CNTNAP2: variants seen among roughly 807,000 people sequenced by gnomAD.
CNTNAP2 encodes the protein contactin associated protein 2, also known as contactin-associated protein-like 2.
CNTNAP2 carries 98 observed loss-of-function variants against 155.2 expected under a neutral mutation model. That is an observed-to-expected ratio of 0.63 (90% CI 0.54 to 0.75). The LOEUF (loss-of-function observed/expected upper bound fraction) is 0.75. Ranked by LOEUF, CNTNAP2 falls within the 30% of genes least tolerant of loss-of-function variation. CNTNAP2 has a pLI of 0.00. For missense variants in CNTNAP2, 1,727 were observed against 1,688.1 expected (o/e 1.02, Z -0.40); for synonymous variants, 651 against 631.2 (o/e 1.03, Z -0.47).
chr7:146,906,727 C>G (rs997575046), intron 3 of CNTNAP2, among the ~76,000 whole-genome samples: 2 of 152,270 alleles, frequency 1.3e-5, no homozygotes, highest in African/African-American at 4.8e-5. Flanking sequence ...AAACTGGAAA[C>G]TCTAAAACGC....
intron 1 of CNTNAP2, among the ~76,000 whole-genome samples, chr7:146,139,981 A>G (rs1797854556): frequency 6.6e-6 from 1 of 152,138 alleles, no homozygotes; most frequent in South Asian, 2.1e-4. Flanking sequence ...CATTTCCATT[A>G]GCTCCAGCGT....
intron 2 of CNTNAP2, among the ~76,000 whole-genome samples, chr7:146,806,714 A>T (rs1802974156): frequency 6.6e-6 from 1 of 152,158 alleles, no homozygotes; most frequent in South Asian, 2.1e-4. Flanking sequence ...ATGAAAAGTA[A>T]GTCTTTCAAA....
intron 10 of CNTNAP2, among the ~76,000 whole-genome samples, chr7:147,462,767 T>A (rs1441659632): frequency 2.6e-5 from 4 of 152,156 alleles, no homozygotes; most frequent in Non-Finnish European, 5.9e-5. Context: ...ATCAATGGGA[T>A]TTTTTGTTTG....
chr7:146,703,608 G>C (rs1194969676), intron 1 of CNTNAP2, among the ~76,000 whole-genome samples: 1 of 152,118 alleles, frequency 6.6e-6, no homozygotes, highest in African/African-American at 2.4e-5. Flanking sequence ...GGTTTAAGCA[G>C]ATCTGGGGCC....
At chr7:147,670,761 A>G (rs1795773906) in intron 13 of CNTNAP2, among the ~76,000 whole-genome samples, 1 of 152,318 alleles carries the variant, frequency 6.6e-6, no homozygotes, top group Non-Finnish European at 1.5e-5. Context: ...CAGGTTGTTC[A>G]TATGACCTCA....
intron 1 of CNTNAP2, among the ~76,000 whole-genome samples, chr7:146,723,755 A>G (rs529697081): frequency 6.6e-4 from 101 of 152,328 alleles, no homozygotes; most frequent in African/African-American, 2.4e-3. Context: ...GATAAATAAG[A>G]GAAGACATTA....
At chr7:146,220,463 C>T (rs936893981) in intron 1 of CNTNAP2, among the ~76,000 whole-genome samples, 3 of 152,122 alleles carry the variant, frequency 2.0e-5, no homozygotes, top group African/African-American at 7.2e-5. Flanking sequence ...TCAGCCACAG[C>T]AACTTCTTAA....
chr7:147,707,232 G>A (rs755499205), intron 13 of CNTNAP2, among the ~76,000 whole-genome samples: 8 of 152,128 alleles, frequency 5.3e-5, no homozygotes, highest in Admixed American at 1.3e-4. Flanking sequence ...TGTATCTGGT[G>A]TAAACATTTC....
At chr7:146,476,571 C>T (rs76056737) in intron 1 of CNTNAP2, among the ~76,000 whole-genome samples, 2,778 of 152,126 alleles carry the variant, frequency 0.018, 50 homozygotes, top group African/African-American at 0.045. Context: ...GAGTTGTACA[C>T]AGAAAAATAT....
chr7:146,523,352 C>A lies in CNTNAP2; in HGVS notation c.98-250919C>A, dbSNP rs112053353. Among the ~76,000 whole-genome samples the A allele has an allele frequency of 4.3e-3, 654 of 152,116 alleles. 2 individuals are homozygous for A. Among genetic ancestry groups the A allele is most frequent in the African/African-American group, 0.013 (553 of 41,530 alleles). ...ATGATTAAAAATTTTAAGAATCTTC[C>A]TTTAAGACAAAATATGACTCCTTTT... On this transcript the variant is annotated intron_variant, in intron 1 of 23. Transcript: ENST00000361727.
chr7:148,233,056 C>T (rs951400119), intron 20 of CNTNAP2, among the ~76,000 whole-genome samples: 16 of 152,190 alleles, frequency 1.1e-4, no homozygotes, highest in African/African-American at 3.6e-4. Context: ...AACTCACAGT[C>T]GCATCAGGGA....
chr7:147,152,934 C>A (rs1801854568), intron 8 of CNTNAP2, among the ~76,000 whole-genome samples: 1 of 152,080 alleles, frequency 6.6e-6, no homozygotes, highest in Non-Finnish European at 1.5e-5. Context: ...CATTCCTGAG[C>A]TTTTTCCATT....
At chr7:147,001,043 C>G (rs926871750) in intron 3 of CNTNAP2, among the ~76,000 whole-genome samples, 1 of 152,094 alleles carries the variant, frequency 6.6e-6, no homozygotes, top group Non-Finnish European at 1.5e-5. Flanking sequence ...AGGCAAAGTT[C>G]TACGATTGCT....
intron 10 of CNTNAP2, among the ~76,000 whole-genome samples, chr7:147,435,784 G>C (rs887788142): frequency 3.9e-5 from 6 of 152,068 alleles, no homozygotes; most frequent in African/African-American, 1.4e-4. Flanking sequence ...TTAGGGCCAT[G>C]GTGTCTTCAT....
intron 2 of CNTNAP2, among the ~76,000 whole-genome samples, chr7:146,815,452 T>C (rs1258248998): frequency 6.6e-6 from 1 of 152,158 alleles, no homozygotes; most frequent in Admixed American, 6.6e-5. Context: ...ATGATTACAT[T>C]ATTCTCTAAA....
intron 1 of CNTNAP2, among the ~76,000 whole-genome samples, chr7:146,488,125 G>C (rs1047579083): frequency 6.6e-6 from 1 of 151,932 alleles, no homozygotes; most frequent in Admixed American, 6.6e-5. Flanking sequence ...AATTTTTTCC[G>C]TCAAATTGTA....
rs149288735 is a variant in CNTNAP2 at position 146,544,610 on chromosome 7, A to T, written c.98-229661A>T. On this transcript the variant is annotated intron_variant, in intron 1 of 23. Coordinates refer to ENST00000361727, the MANE Select transcript of CNTNAP2 (RefSeq NM_014141.6). ...ATCCTCACCCCCATGAGGAAAGATA[A>T]CTAGGATCTCAGTTGATTAGGCTTT... Among the ~76,000 whole-genome samples, 984 of 152,088 alleles carry T rather than the reference A, an allele frequency of 6.5e-3. 3 individuals carry two copies. Among genetic ancestry groups the T allele is most frequent in the Non-Finnish European group, 9.6e-3 (655 of 67,934 alleles).
chr7:146,796,563 G>T (rs1802772256), intron 2 of CNTNAP2, among the ~76,000 whole-genome samples: 1 of 152,040 alleles, frequency 6.6e-6, no homozygotes, highest in Non-Finnish European at 1.5e-5. Context: ...AGATAAAGAA[G>T]ATCTAGCTTC....
chr7:147,241,582 C>T (rs1004506526), intron 8 of CNTNAP2, among the ~76,000 whole-genome samples: 2 of 146,566 alleles, frequency 1.4e-5, no homozygotes, highest in African/African-American at 2.5e-5. Flanking sequence ...GAGCCGAGAT[C>T]GTGCCATTGC....
Sources: gnomAD v4.1 joint callset for allele counts (sites outside exome capture counted in the v4.1 genomes callset) on GRCh38, gnomAD v4.1.1 for gene constraint, MANE v1.5 for transcripts, NCBI Gene and HGNC (gene_info 2026-07-23, HGNC 2026-07-21) for gene names.